Variants in CCDC138 observed in about 807,000 individuals in gnomAD.
CCDC138 encodes coiled-coil domain-containing protein 138.
CCDC138 carries 66 observed loss-of-function variants against 82.3 expected under a neutral mutation model. The observed-to-expected ratio is 0.80, with a 90% CI of 0.66 to 0.98. The LOEUF is 0.98. Among genes scored for constraint, CCDC138 ranks in the 50% least tolerant of loss-of-function variants. The probability of loss-of-function intolerance (pLI) is 0.00; values close to 1 mark genes in which losing one functional copy is unlikely to be tolerated. For synonymous variants in CCDC138, 297 were observed against 265.4 expected, an observed-to-expected ratio of 1.12 and a Z score of -1.16; for missense variants, 816 against 758.9, an observed-to-expected ratio of 1.08 and a Z score of -0.88.
At chr2:108,849,032 G>A (rs1690969021) in intron 12 of CCDC138, among the ~76,000 whole-genome samples, 1 of 152,046 alleles carries the variant, frequency 6.6e-6, no homozygotes, top group African/African-American at 2.4e-5. Flanking sequence ...TGGAAGATAC[G>A]GGATAAAAAG....
At chr2:108,845,465 C>G (rs1690277583) in intron 11 of CCDC138, among the ~76,000 whole-genome samples, 2 of 152,066 alleles carry the variant, frequency 1.3e-5, no homozygotes, top group African/African-American at 4.8e-5. Flanking sequence ...AACTCAGTCA[C>G]ATGAGATTGG....
chr2:108,804,014 A>AT (rs1682429226), intron 6 of CCDC138, among the ~76,000 whole-genome samples: 1 of 152,136 alleles, frequency 6.6e-6, no homozygotes, highest in African/African-American at 2.4e-5. Flanking sequence ...AGAATATTGG[A>AT]TTTTTTTCAC....
rs1679210745 is a variant in CCDC138 at position 108,788,055 on chromosome 2, G to C, written c.117G>C (p.Gln39His). The change falls in exon 2 of 15, where the codon CAG becomes CAC. Residue 39 changes from glutamine (Q) to histidine (H), a missense_variant. By Grantham distance (24) the Gln-to-His change is conservative (BLOSUM62 0). Coordinates refer to ENST00000295124, the MANE Select transcript of CCDC138 (RefSeq NM_144978.3). Reference sequence around the variant, plus strand: ...AGTATGATTTTTCAAATTTTTATCAGTCTAAGTATAAGAGAAGAACTCTAA... The same window carrying C: ...AGTATGATTTTTCAAATTTTTATCACTCTAAGTATAAGAGAAGAACTCTAA... ...PDEYDFSNFY[Q>H]SKYKRRTLTS... The C allele has an allele frequency of 6.3e-7, 1 of 1,589,624 alleles. No homozygotes were observed. Among genetic ancestry groups the C allele is most frequent in the Admixed American group, 1.8e-5 (1 of 56,254 alleles).
At chr2:108,823,519 T>C (rs371126514) in intron 10 of CCDC138, among the ~76,000 whole-genome samples, 3 of 152,374 alleles carry the variant, frequency 2.0e-5, no homozygotes, top group South Asian at 2.1e-4. Flanking sequence ...CTAGGTGATA[T>C]AGCCTACTAC....
At chr2:108,802,842 G>A (rs1682170172) in intron 6 of CCDC138, among the ~76,000 whole-genome samples, 1 of 152,190 alleles carries the variant, frequency 6.6e-6, no homozygotes, top group Non-Finnish European at 1.5e-5. Flanking sequence ...AGCATGAAGG[G>A]TTGTTGAATT....
At chr2:108,787,613 G>A (rs1402910763) in intron 1 of CCDC138, among the ~76,000 whole-genome samples, 1 of 152,098 alleles carries the variant, frequency 6.6e-6, no homozygotes, top group African/African-American at 2.4e-5. Flanking sequence ...TTTTCCTAGT[G>A]CAGATCCGAC....
chr2:108,883,383 G>A (rs1574354121), intron 2 of CCDC138: 1 of 152,352 alleles, frequency 6.6e-6, no homozygotes, highest in East Asian at 1.9e-4. Flanking sequence ...ACGGGGCCAT[G>A]TGCTTTTCAG....
Position 108,839,824 on chromosome 2 carries a change from G to GTT in CCDC138, c.1323+532_1323+533dup, listed in dbSNP as rs774328500. 2.9e-4 allele frequency among the ~76,000 whole-genome samples: 43 copies of GTT among 147,078 alleles called. No homozygotes were observed. The East Asian group carries it at 6.3e-3, about 22-fold the overall frequency. On this transcript the variant is annotated intron_variant, in intron 11 of 14. Transcript: ENST00000295124. ...TATCTGCAAATGAAAACAGTGTTGTGTTTTTTTTTTCTTTTTGATATGTAT... is the reference window on the plus strand; with the variant it reads ...TATCTGCAAATGAAAACAGTGTTGTGTTTTTTTTTTTTCTTTTTGATATGTAT...
At chr2:108,851,587 G>A (rs1393976059) in intron 12 of CCDC138, among the ~76,000 whole-genome samples, 1 of 151,640 alleles carries the variant, frequency 6.6e-6, no homozygotes, top group African/African-American at 2.4e-5. Context: ...ACAGGCGTGA[G>A]CCACCGCGCC....
At chr2:108,819,880 A>C (rs986648856) in intron 10 of CCDC138, among the ~76,000 whole-genome samples, 1 of 152,196 alleles carries the variant, frequency 6.6e-6, no homozygotes, top group Non-Finnish European at 1.5e-5. Context: ...ACTTTGTGAT[A>C]TATGATTTAA....
intron 10 of CCDC138, among the ~76,000 whole-genome samples, chr2:108,822,232 A>G (rs1685822456): frequency 6.6e-6 from 1 of 152,206 alleles, no homozygotes. Context: ...TATAAATGAT[A>G]AAAAGGTAAA....
intron 12 of CCDC138, among the ~76,000 whole-genome samples, chr2:108,852,104 A>G (rs1438430349): frequency 2.0e-5 from 3 of 152,230 alleles, no homozygotes. Flanking sequence ...AGCACTTTAT[A>G]TATATTAACT....
In CCDC138 at chr2:108,861,472, C is replaced by CTTTTTTTTTTTTTTTTTT. The variant is rs201132350; in HGVS notation, c.1693+4511_1693+4528dup. On this transcript the variant is annotated intron_variant, in intron 13 of 14. Transcript: ENST00000295124. ...ACATTTAGCACTATAAACTTTCTTC[C>CTTTTTTTTTTTTTTTTTT]TTTTTTTTTTTTTTTTTTTTTTTTT... Among the ~76,000 whole-genome samples the CTTTTTTTTTTTTTTTTTT allele has an allele frequency of 8.9e-5, 11 of 123,524 alleles. 3 individuals carry two copies. The highest frequency in any genetic ancestry group is 5.5e-4 in the South Asian group (2 of 3,656). The allele number at this position is 123,524 out of a possible 152,430, so 81.0% of individuals were successfully genotyped here.
In CCDC138 at chr2:108,870,495, A is replaced by G. The variant is rs1046789376; in HGVS notation, c.1694-2956A>G. ...AATTTGAGGAAAGACACGGCTCTAC[A>G]AATCAAAGAAACTCAAGGAATCCAC... On this transcript the variant is annotated intron_variant, in intron 13 of 14. Transcript: ENST00000295124. 3.3e-5 allele frequency among the ~76,000 whole-genome samples: 5 copies of G among 152,238 alleles called. 1 individual carries two copies. The highest frequency in any genetic ancestry group is 7.3e-5 in the Non-Finnish European group (5 of 68,048).
Position 108,834,025 on chromosome 2 carries a change from C to T in CCDC138, c.1207-5160C>T, listed in dbSNP as rs1009031020. The stretch of plus-strand genomic sequence containing the variant: ...CCTCCCAAAGTGCTGGGATTACAGG[C>T]GTGAGCCACCGTGCCCAGCCAATGT... On this transcript the variant is annotated intron_variant, in intron 10 of 14. Coordinates refer to ENST00000295124, the MANE Select transcript of CCDC138 (RefSeq NM_144978.3). Among the ~76,000 whole-genome samples, 6 of 147,990 alleles carry T rather than the reference C, an allele frequency of 4.1e-5. No homozygotes were observed. The East Asian group carries it at 8.0e-4, about 20-fold the overall frequency.
intron 13 of CCDC138, among the ~76,000 whole-genome samples, chr2:108,866,920 T>G (rs2105021957): frequency 6.6e-6 from 1 of 152,214 alleles, no homozygotes; most frequent in South Asian, 2.1e-4. Flanking sequence ...TATTACCTTA[T>G]TATAAATTCC....
chr2:108,818,820 CTT>C (rs199823267), intron 10 of CCDC138, among the ~76,000 whole-genome samples: 1 of 144,582 alleles, frequency 6.9e-6, no homozygotes. Flanking sequence ...AAACTTCTGA[CTT>C]TTTTTTTTTT....
At chr2:108,824,821 A>G (rs1188181357) in intron 10 of CCDC138, among the ~76,000 whole-genome samples, 1 of 152,172 alleles carries the variant, frequency 6.6e-6, no homozygotes, top group Non-Finnish European at 1.5e-5. Context: ...GCCCTATGAC[A>G]TTATAACAGC....
In CCDC138 at chr2:108,856,938, T is replaced by C; in HGVS notation, c.1661T>C (p.Ile554Thr). Residue 554 changes from isoleucine to threonine, a missense_variant, in exon 13 of 15, where the codon ATT (isoleucine) becomes ACT (threonine). Coordinates refer to ENST00000295124, the MANE Select transcript of CCDC138 (RefSeq NM_144978.3). ...ISSKGLLSNV[I>T]DSLLQMTVES... ...AGTAAAGGACTCCTGTCTAATGTTA[T>C]TGATAGTTTGCTCCAGATGACGGTG... 1 of 1,609,484 alleles carries C rather than the reference T, an allele frequency of 6.2e-7. No homozygotes were observed. The highest frequency in any genetic ancestry group is 8.5e-7 in the Non-Finnish European group (1 of 1,178,410).
Sources: allele counts gnomAD v4.1 joint callset (sites outside exome capture counted in the v4.1 genomes callset), GRCh38; gene constraint gnomAD v4.1.1; transcripts MANE v1.5; gene names NCBI Gene and HGNC (gene_info 2026-07-23, HGNC 2026-07-21).